FHOD3: variants seen among roughly 807,000 people sequenced by gnomAD.
FHOD3 encodes FH1/FH2 domain-containing protein 3.
In FHOD3, 90 loss-of-function variants were observed where a neutral mutation model predicts 173.0. The observed-to-expected ratio is 0.52, with a 90% confidence interval of 0.44 to 0.62. The LOEUF (loss-of-function observed/expected upper bound fraction) is 0.62. Among genes scored for constraint, FHOD3 ranks in the 20% least tolerant of loss-of-function variants. The probability of loss-of-function intolerance (pLI) is 0.00; values close to 1 mark genes in which losing one functional copy is unlikely to be tolerated. For synonymous variants in FHOD3, 828 were observed against 823.0 expected (o/e 1.01, Z -0.10); for missense variants, 1,945 against 2,034.7 (o/e 0.96, Z 0.85).
chr18:36,638,614 T>C (rs79688716), intron 10 of FHOD3, among the ~76,000 whole-genome samples: 3,892 of 152,274 alleles, frequency 0.026, 175 homozygotes, highest in African/African-American at 0.09. Flanking sequence ...CAGGGTAGTC[T>C]CAACCCTGCC....
In FHOD3 at chr18:36,594,894, A is replaced by G. The variant is rs2030053040; in HGVS notation, c.714A>G (p.Lys238=). ...LIQAVTAVDT[K]RGVKPWSNIM... Reference sequence around the variant, plus strand: ...AGGCTGTCACTGCTGTTGACACGAAAAGAGGTGAGTAGTCCCTGCCCCCTT... The same window carrying G: ...AGGCTGTCACTGCTGTTGACACGAAGAGAGGTGAGTAGTCCCTGCCCCCTT... Residue 238 remains lysine (K), a synonymous_variant, in exon 7 of 29, where the codon AAA becomes AAG. Transcript: ENST00000590592. The G allele has an allele frequency of 6.2e-7, 1 of 1,608,892 alleles. No individual in the cohort carries two copies. The highest frequency in any genetic ancestry group is 1.3e-5 in the African/African-American group (1 of 74,782).
intron 1 of FHOD3, among the ~76,000 whole-genome samples, chr18:36,308,876 C>G (rs531533337): frequency 2.0e-5 from 3 of 152,164 alleles, no homozygotes; most frequent in Admixed American, 6.5e-5. Flanking sequence ...GGAGCCTTAG[C>G]CTTCAGATCC....
intron 17 of FHOD3, among the ~76,000 whole-genome samples, chr18:36,697,690 C>A (rs2039364152): frequency 6.6e-6 from 1 of 152,138 alleles, no homozygotes; most frequent in Non-Finnish European, 1.5e-5. Context: ...ACATTATTGA[C>A]AAAGGTTAAT....
intron 3 of FHOD3, among the ~76,000 whole-genome samples, chr18:36,383,742 T>G (rs2047899732): frequency 6.6e-6 from 1 of 152,244 alleles, no homozygotes; most frequent in Non-Finnish European, 1.5e-5. Flanking sequence ...TGAATCAGAA[T>G]TACTGTTCCC....
chr18:36,749,680 C>A (rs527944165), intron 24 of FHOD3, among the ~76,000 whole-genome samples: 1 of 152,226 alleles, frequency 6.6e-6, no homozygotes, highest in East Asian at 1.9e-4. Context: ...TTATATTCCT[C>A]TTGGTATATA....
At chr18:36,525,674 G>A (rs1016329631) in intron 5 of FHOD3, among the ~76,000 whole-genome samples, 1 of 152,136 alleles carries the variant, frequency 6.6e-6, no homozygotes, top group Admixed American at 6.5e-5. Context: ...ATATCATGAG[G>A]GCAGCAACCT....
At chr18:36,656,712 C>T (rs1488342303) in intron 13 of FHOD3, among the ~76,000 whole-genome samples, 1 of 151,964 alleles carries the variant, frequency 6.6e-6, no homozygotes, top group Non-Finnish European at 1.5e-5. Context: ...TATATTATAT[C>T]CTGATGTTTT....
At chr18:36,745,116 C>T (rs2042086558) in intron 23 of FHOD3, among the ~76,000 whole-genome samples, 1 of 152,066 alleles carries the variant, frequency 6.6e-6, no homozygotes, top group Admixed American at 6.5e-5. Context: ...CTTCAAGGGG[C>T]CCTCCCTCTC....
chr18:36,308,011 T>A (rs554649314), intron 1 of FHOD3, among the ~76,000 whole-genome samples: 3 of 152,226 alleles, frequency 2.0e-5, no homozygotes, highest in South Asian at 2.1e-4. Flanking sequence ...CCAGTCTATG[T>A]ATGTACCATG....
At position 36,304,720 on chromosome 18, in the gene FHOD3, T is replaced by G. The variant is rs941925280; in HGVS notation, c.165+6720T>G. On this transcript the variant is annotated intron_variant, in intron 1 of 28. Coordinates refer to ENST00000590592, the MANE Select transcript of FHOD3 (RefSeq NM_001281740.3). ...ATGAAGTAAACAATTGTCAGTTACA[T>G]AAACTATTAGCTTAGTAAGCGAAAT... is the stretch of plus-strand genomic sequence containing the variant. 3.3e-5 allele frequency among the ~76,000 whole-genome samples: 5 copies of G among 152,344 alleles called. No homozygotes were observed. The South Asian group carries it at 6.2e-4, about 19-fold the overall frequency.
At chr18:36,367,176 C>G (rs2046939843) in intron 2 of FHOD3, among the ~76,000 whole-genome samples, 1 of 152,202 alleles carries the variant, frequency 6.6e-6, no homozygotes, top group South Asian at 2.1e-4. Context: ...TCTGTGTATT[C>G]TGAGAAGGCA....
intron 15 of FHOD3, among the ~76,000 whole-genome samples, chr18:36,681,801 A>G (rs2038260774): frequency 6.6e-6 from 1 of 152,114 alleles, no homozygotes; most frequent in Non-Finnish European, 1.5e-5. Context: ...TTAGGGACTC[A>G]TGTATTCTTG....
intron 14 of FHOD3, among the ~76,000 whole-genome samples, chr18:36,669,948 T>C (rs2149307171): frequency 6.6e-6 from 1 of 152,144 alleles, no homozygotes; most frequent in African/African-American, 2.4e-5. Context: ...TTCCTGTTTT[T>C]ATATGTCTGG....
At chr18:36,602,033 T>G (rs2031460533) in intron 7 of FHOD3, among the ~76,000 whole-genome samples, 1 of 152,214 alleles carries the variant, frequency 6.6e-6, no homozygotes, top group South Asian at 2.1e-4. Flanking sequence ...CAGGCTTAGC[T>G]GCATGCTTGG....
At chr18:36,382,480 C>G (rs981269727) in intron 3 of FHOD3, among the ~76,000 whole-genome samples, 5 of 152,158 alleles carry the variant, frequency 3.3e-5, no homozygotes, top group African/African-American at 1.2e-4. Flanking sequence ...TTTCTTAGTC[C>G]TTTGTGTAGG....
chr18:36,302,435 A>G (rs947284539), intron 1 of FHOD3, among the ~76,000 whole-genome samples: 2 of 151,996 alleles, frequency 1.3e-5, no homozygotes, highest in Non-Finnish European at 2.9e-5. Flanking sequence ...CTTCACCAAG[A>G]TGGCCTGGTG....
intron 3 of FHOD3, among the ~76,000 whole-genome samples, chr18:36,391,663 G>A (rs1278116226): frequency 6.6e-6 from 1 of 152,122 alleles, no homozygotes; most frequent in Non-Finnish European, 1.5e-5. Context: ...CTTGTCTCAG[G>A]TGACTCTTGT....
In FHOD3 at chr18:36,740,679, C is replaced by G. The variant is rs367586031; in HGVS notation, c.3600C>G (p.Thr1200=). ...AGAAAATTCTAACGATGATTCCCACCGATGAGGAGAAGCAGAAAATCCAGG... is the reference window on the plus strand; with the variant it reads ...AGAAAATTCTAACGATGATTCCCACGGATGAGGAGAAGCAGAAAATCCAGG... ...GIEKILTMIP[T]DEEKQKIQEA... Residue 1200 remains threonine, a synonymous_variant, in exon 21 of 29, where the codon ACC becomes ACG. Transcript: ENST00000590592. 6.2e-7 allele frequency: 1 copy of G among 1,613,766 alleles called. No individual in the cohort carries two copies. The highest frequency in any genetic ancestry group is 1.1e-5 in the South Asian group (1 of 91,046).
chr18:36,632,994 C>T (rs2034622924), intron 10 of FHOD3, among the ~76,000 whole-genome samples: 1 of 152,178 alleles, frequency 6.6e-6, no homozygotes, highest in Non-Finnish European at 1.5e-5. Flanking sequence ...GGGTTTTATA[C>T]ATTGATGTGG....
Sources: gnomAD v4.1 joint callset for allele counts (sites outside exome capture counted in the v4.1 genomes callset) on GRCh38, gnomAD v4.1.1 for gene constraint, MANE v1.5 for transcripts, NCBI Gene and HGNC (gene_info 2026-07-23, HGNC 2026-07-21) for gene names.